The following XKR4 variants were observed in gnomAD, a reference collection of about 807,000 sequenced individuals.
XKR4 encodes XK-related protein 4.
XKR4 carries 12 observed loss-of-function variants against 53.9 expected under a neutral mutation model. The observed-to-expected ratio is 0.22, with a 90% CI of 0.14 to 0.36. The LOEUF (loss-of-function observed/expected upper bound fraction) is 0.36. Ranked by LOEUF, XKR4 falls within the 10% of genes least tolerant of loss-of-function variation. The probability of loss-of-function intolerance (pLI) is 1.00; values close to 1 mark genes in which losing one functional copy is unlikely to be tolerated. For synonymous variants in XKR4, 354 were observed against 362.4 expected, an observed-to-expected ratio of 0.98 and a Z score of 0.26; for missense variants, 799 against 859.5, an observed-to-expected ratio of 0.93 and a Z score of 0.88.
chr8:55,370,930 T>C (rs1407168850), intron 2 of XKR4, among the ~76,000 whole-genome samples: 3 of 151,978 alleles, frequency 2.0e-5, no homozygotes, highest in Admixed American at 1.3e-4. Flanking sequence ...CAAAGCCCTA[T>C]GCTAGGCAAG....
At chr8:55,452,818 T>C in intron 2 of XKR4, 1 of 772,130 alleles carries the variant, frequency 1.3e-6, no homozygotes, top group Non-Finnish European at 2.4e-6. Flanking sequence ...CTGTTGCTGG[T>C]GCTCTCCAGG....
chr8:55,219,428 T>G (rs1187455151), intron 1 of XKR4, among the ~76,000 whole-genome samples: 4 of 151,984 alleles, frequency 2.6e-5, no homozygotes, highest in African/African-American at 9.7e-5. Context: ...GCATGGCAGG[T>G]TGGGGTGGGG....
intron 2 of XKR4, among the ~76,000 whole-genome samples, chr8:55,460,709 G>T (rs1400535754): frequency 2.0e-5 from 3 of 152,214 alleles, no homozygotes; most frequent in Non-Finnish European, 4.4e-5. Flanking sequence ...AGCACAAGGG[G>T]TCAGGGAATT....
At chr8:55,438,420 T>G (rs1349335576) in intron 2 of XKR4, among the ~76,000 whole-genome samples, 1 of 151,396 alleles carries the variant, frequency 6.6e-6, no homozygotes, top group Non-Finnish European at 1.5e-5. Flanking sequence ...ACCCCGTCTC[T>G]ATTAAAAAAA....
Position 55,326,762 on chromosome 8 carries a change from CATCCAGCCTACAACTGGTTT to C in XKR4, c.807-30914_807-30895del, listed in dbSNP as rs1444964409. On this transcript the variant is annotated intron_variant, in intron 1 of 2. Transcript: ENST00000327381. Reference sequence around the variant, plus strand: ...CTGAGATTACAGGTGTGAGCCACCACATCCAGCCTACAACTGGTTTAAAAGTTGTGAAAGTTAGGCGGATT... The same window carrying C: ...CTGAGATTACAGGTGTGAGCCACCACAAAAGTTGTGAAAGTTAGGCGGATT... Among the ~76,000 whole-genome samples the C allele has an allele frequency of 3.4e-4, 52 of 152,092 alleles. 1 individual carries two copies. Among genetic ancestry groups the C allele is most frequent in the African/African-American group, 1.2e-3 (51 of 41,518 alleles).
chr8:55,208,484 T>C (rs1817680260), intron 1 of XKR4, among the ~76,000 whole-genome samples: 1 of 151,228 alleles, frequency 6.6e-6, no homozygotes, highest in Non-Finnish European at 1.5e-5. Context: ...TTTCTTTTCT[T>C]TTTTTTTTGA....
chr8:55,482,786 T>C (rs1471609990), intron 2 of XKR4, among the ~76,000 whole-genome samples: 3 of 152,198 alleles, frequency 2.0e-5, no homozygotes. Context: ...TTTCATTGAA[T>C]GTATTTTGGA....
At chr8:55,358,889 T>A (rs945742468) in intron 2 of XKR4, among the ~76,000 whole-genome samples, 11 of 152,222 alleles carry the variant, frequency 7.2e-5, no homozygotes, top group African/African-American at 2.7e-4. Flanking sequence ...TAACTTTTTA[T>A]GGCATGGAGC....
intron 1 of XKR4, among the ~76,000 whole-genome samples, chr8:55,245,285 T>C (rs910750372): frequency 2.0e-5 from 3 of 152,136 alleles, no homozygotes; most frequent in Non-Finnish European, 4.4e-5. Context: ...ATTAGACCTT[T>C]GATGGATGCA....
At chr8:55,114,233 C>T (rs750291218) in intron 1 of XKR4, among the ~76,000 whole-genome samples, 4 of 152,036 alleles carry the variant, frequency 2.6e-5, no homozygotes, top group African/African-American at 7.2e-5. Context: ...ACCTCACAGG[C>T]GTCTGTTATT....
At chr8:55,386,523 G>A (rs1035915156) in intron 2 of XKR4, among the ~76,000 whole-genome samples, 9 of 152,198 alleles carry the variant, frequency 5.9e-5, no homozygotes, top group Non-Finnish European at 1.2e-4. Context: ...GTGTTCCCGC[G>A]TTCCTAATTG....
At position 55,542,016 on chromosome 8, in the gene XKR4, G is replaced by C. The variant is rs1026550288; in HGVS notation, c.*17789G>C. 1.3e-5 allele frequency: 2 copies of C among 149,962 alleles called. No individual in the cohort carries two copies. Among genetic ancestry groups the C allele is most frequent in the Non-Finnish European group, 3.0e-5 (2 of 67,650 alleles). 9.3% of individuals were successfully genotyped at this position (149,962 alleles called of 1,614,324 possible). On this transcript the variant is annotated 3_prime_UTR_variant, in exon 3 of 3. Coordinates refer to ENST00000327381, the MANE Select transcript of XKR4 (RefSeq NM_052898.2). ...TTTCCTTGGTTACATGGTTTTTCTTGTAAAACTTAAAGAAAAAAAAAGAAA... is the reference window on the plus strand; with the variant it reads ...TTTCCTTGGTTACATGGTTTTTCTTCTAAAACTTAAAGAAAAAAAAAGAAA...
chr8:55,486,005 A>C (rs1413301747), intron 2 of XKR4, among the ~76,000 whole-genome samples: 4 of 152,248 alleles, frequency 2.6e-5, no homozygotes, highest in Admixed American at 6.5e-5. Context: ...ACATGAAAGA[A>C]TACTACTTCA....
chr8:55,278,406 T>C (rs1284668051), intron 1 of XKR4, among the ~76,000 whole-genome samples: 1 of 152,112 alleles, frequency 6.6e-6, no homozygotes, highest in Non-Finnish European at 1.5e-5. Flanking sequence ...TTGTCTTTAT[T>C]TCCAAAAACC....
At chr8:55,273,142 CTGTGTGTGTGTGTGTGTGTGTG>C (rs5891567) in intron 1 of XKR4, among the ~76,000 whole-genome samples, 1 of 147,444 alleles carries the variant, frequency 6.8e-6, no homozygotes, top group African/African-American at 2.5e-5. Context: ...GAAAAGAGGA[CTGTGTGTGTGTGTGTGTGTGTG>C]TGTGTGTGTG....
At chr8:55,380,828 G>A (rs531021292) in intron 2 of XKR4, among the ~76,000 whole-genome samples, 11 of 152,182 alleles carry the variant, frequency 7.2e-5, no homozygotes, top group Non-Finnish European at 1.3e-4. Context: ...GTTAATTCAC[G>A]CAGTTGACCT....
At position 55,533,497 on chromosome 8, in the gene XKR4, G is replaced by C. The variant is rs964084649; in HGVS notation, c.*9270G>C. ...AAGCCTGGGGTGAAACATTTTCCAC[G>C]GTCTGAATCGGAAGCTTGGGGCTCT... On this transcript the variant is annotated 3_prime_UTR_variant, in exon 3 of 3. Transcript: ENST00000327381. 1 of 152,142 alleles carries C rather than the reference G, an allele frequency of 6.6e-6. No homozygotes were observed. The highest frequency in any genetic ancestry group is 1.5e-5 in the Non-Finnish European group (1 of 68,024). 9.4% of individuals were successfully genotyped at this position (152,142 alleles called of 1,614,324 possible). A position where few individuals can be genotyped will look rare whatever the true frequency, so the allele number is the denominator to read the frequency against.
chr8:55,304,417 C>T (rs551447918), intron 1 of XKR4, among the ~76,000 whole-genome samples: 1 of 152,110 alleles, frequency 6.6e-6, no homozygotes, highest in Non-Finnish European at 1.5e-5. Flanking sequence ...TTACTTCCAA[C>T]TATGTGGTCA....
At chr8:55,121,016 G>A (rs1298429233) in intron 1 of XKR4, among the ~76,000 whole-genome samples, 2 of 152,140 alleles carry the variant, frequency 1.3e-5, no homozygotes, top group Non-Finnish European at 2.9e-5. Context: ...ATGCATTTAG[G>A]ATTCCTCCAT....
Sources: gnomAD v4.1 joint callset for allele counts (sites outside exome capture counted in the v4.1 genomes callset) on GRCh38, gnomAD v4.1.1 for gene constraint, MANE v1.5 for transcripts, NCBI Gene and HGNC (gene_info 2026-07-23, HGNC 2026-07-21) for gene names.